The following PRKAG2 variants were observed in gnomAD, a reference collection of about 807,000 sequenced individuals.
PRKAG2 encodes the protein protein kinase AMP-activated non-catalytic subunit gamma 2.
In PRKAG2, 26 loss-of-function variants were observed where a neutral mutation model predicts 69.6. The ratio of observed to expected loss-of-function variants is 0.37; its 90% CI spans 0.27 to 0.52. PRKAG2 has a LOEUF of 0.52. Ranked by LOEUF, PRKAG2 falls within the 20% of genes least tolerant of loss-of-function variation. PRKAG2 has a pLI of 0.90. For synonymous variants in PRKAG2, 293 were observed against 285.0 expected, an observed-to-expected ratio of 1.03 and a Z score of -0.28; for missense variants, 557 against 740.0, an observed-to-expected ratio of 0.75 and a Z score of 2.87.
At chr7:151,714,511 C>A (rs1795855887) in intron 3 of PRKAG2, among the ~76,000 whole-genome samples, 1 of 149,468 alleles carries the variant, frequency 6.7e-6, no homozygotes, top group African/African-American at 2.5e-5. Flanking sequence ...CATCCACACC[C>A]TGCCACCTCT....
intron 1 of PRKAG2, among the ~76,000 whole-genome samples, chr7:151,827,635 G>A (rs558940735): frequency 2.7e-5 from 4 of 148,576 alleles, no homozygotes; most frequent in Admixed American, 6.9e-5. Context: ...GTTCCAGGAC[G>A]CTCATTTTAC....
At chr7:151,610,547 C>T (rs188870402) in intron 5 of PRKAG2, among the ~76,000 whole-genome samples, 4 of 150,930 alleles carry the variant, frequency 2.7e-5, no homozygotes, top group South Asian at 2.1e-4. Flanking sequence ...CGTGGTGGTG[C>T]GCACCTGTAG....
intron 3 of PRKAG2, among the ~76,000 whole-genome samples, chr7:151,776,524 A>G (rs1245468840): frequency 6.6e-6 from 1 of 152,220 alleles, no homozygotes; most frequent in Non-Finnish European, 1.5e-5. Flanking sequence ...TCCACCAACA[A>G]TAAAGAGCTG....
In PRKAG2 at chr7:151,567,279, C is replaced by T. The variant is rs955659194; in HGVS notation, c.1234-1394G>A. Among the ~76,000 whole-genome samples, 4 of 152,134 alleles carry T rather than the reference C, an allele frequency of 2.6e-5. No individual in the cohort carries two copies. Among genetic ancestry groups the T allele is most frequent in the East Asian group, 3.8e-4 (2 of 5,200 alleles). On this transcript the variant is annotated intron_variant, in intron 11 of 15. Coordinates refer to ENST00000287878, the MANE Select transcript of PRKAG2 (RefSeq NM_016203.4). This position sits in a 1 kb window ranked among gnomAD's most constrained non-coding sequence, Gnocchi z 4.2. ...CGCTTGAAAGGGATCCTGGCTCTACCGCTTCCCAGCCACGCAACCTTGGCA... is the reference window on the plus strand; with the variant it reads ...CGCTTGAAAGGGATCCTGGCTCTACTGCTTCCCAGCCACGCAACCTTGGCA...
chr7:151,616,490 A>C (rs1820178946), intron 5 of PRKAG2, among the ~76,000 whole-genome samples: 5 of 152,220 alleles, frequency 3.3e-5, no homozygotes. Context: ...TGCATCATGA[A>C]CCTGTCTTCC....
chr7:151,584,388 T>C (rs1811158990), intron 6 of PRKAG2, among the ~76,000 whole-genome samples: 1 of 151,958 alleles, frequency 6.6e-6, no homozygotes, highest in African/African-American at 2.4e-5. Flanking sequence ...CTCTTAATTA[T>C]GAATGAATGG....
chr7:151,733,788 C>T (rs1440030378), intron 3 of PRKAG2, among the ~76,000 whole-genome samples: 2 of 151,948 alleles, frequency 1.3e-5, no homozygotes, highest in Non-Finnish European at 2.9e-5. Flanking sequence ...CCTCCCCTCC[C>T]AGGCTCAAGC....
chr7:151,797,919 A>C (rs2077641846), intron 1 of PRKAG2, among the ~76,000 whole-genome samples: 3 of 152,230 alleles, frequency 2.0e-5, no homozygotes, highest in Non-Finnish European at 2.9e-5. Context: ...CAAAAACTGA[A>C]TTACAATAAG....
At chr7:151,658,517 C>T (rs868512948) in intron 4 of PRKAG2, among the ~76,000 whole-genome samples, 3 of 150,994 alleles carry the variant, frequency 2.0e-5, no homozygotes, top group Non-Finnish European at 2.9e-5. Flanking sequence ...TCACAGATCC[C>T]AGAGCACCTA....
intron 6 of PRKAG2, among the ~76,000 whole-genome samples, chr7:151,593,108 C>T (rs549541282): frequency 6.6e-6 from 1 of 152,326 alleles, no homozygotes; most frequent in African/African-American, 2.4e-5. Flanking sequence ...ACTCACTTGA[C>T]TTTCTCTAGG....
rs1798485639 is a variant in PRKAG2, at chr7:151,729,113, GA to G, written c.466+52038del. 1.6e-4 allele frequency among the ~76,000 whole-genome samples: 22 copies of G among 140,750 alleles called. No individual in the cohort carries two copies. In the South Asian group the frequency reaches 5.2e-3, roughly 34 times the overall value. 92.3% of individuals were successfully genotyped at this position (140,750 alleles called of 152,430 possible). ...GCGCTTGGTGACAGTGACGTAGGGAGAACAGGCAGATGGGTTATGAGCTTTT... is the reference window on the plus strand; with the variant it reads ...GCGCTTGGTGACAGTGACGTAGGGAGACAGGCAGATGGGTTATGAGCTTTT... On this transcript the variant is annotated intron_variant, in intron 3 of 15. Transcript: ENST00000287878.
At chr7:151,750,645 G>A (rs992011533) in intron 3 of PRKAG2, among the ~76,000 whole-genome samples, 3 of 152,130 alleles carry the variant, frequency 2.0e-5, no homozygotes, top group African/African-American at 4.8e-5. Flanking sequence ...GTTTCCATTT[G>A]GGGTGATGAA....
At position 151,835,723 on chromosome 7, in the gene PRKAG2, C is replaced by T. The variant is rs1423586062; in HGVS notation, c.114+40784G>A. ...CCAGGTCCTGTTGCAGGACAGTCAC[C>T]CAGCATCCTGGCCCCACCCTGGGCT... On this transcript the variant is annotated intron_variant, in intron 1 of 15. Coordinates refer to ENST00000287878, the MANE Select transcript of PRKAG2 (RefSeq NM_016203.4). The surrounding 1 kb of genome is among the most constrained non-coding windows in gnomAD (Gnocchi z 4.1). Among the ~76,000 whole-genome samples the T allele has an allele frequency of 6.6e-6, 1 of 152,182 alleles. No individual in the cohort carries two copies. Among genetic ancestry groups the T allele is most frequent in the Non-Finnish European group, 1.5e-5 (1 of 68,032 alleles).
intron 8 of PRKAG2, among the ~76,000 whole-genome samples, chr7:151,573,289 T>A: frequency 6.6e-6 from 1 of 150,726 alleles, no homozygotes; most frequent in East Asian, 2.0e-4. Flanking sequence ...TCTGAGTAAC[T>A]TGGACTACAG....
At position 151,673,388 on chromosome 7, in the gene PRKAG2, A is replaced by C. The variant is rs530419536; in HGVS notation, c.684+2032T>G. ...TCAGCCCAGCAGGTGACGTGCCTTG[A>C]AGCTGTCATTGCCCTTATCAGACCA... is the stretch of plus-strand genomic sequence containing the variant. On this transcript the variant is annotated intron_variant, in intron 4 of 15. Coordinates refer to ENST00000287878, the MANE Select transcript of PRKAG2 (RefSeq NM_016203.4). Among the ~76,000 whole-genome samples, 4 of 152,212 alleles carry C rather than the reference A, an allele frequency of 2.6e-5. No individual in the cohort carries two copies. The East Asian group carries it at 7.7e-4, about 29-fold the overall frequency.
chr7:151,845,894 T>C (rs1412434176), intron 1 of PRKAG2, among the ~76,000 whole-genome samples: 1 of 152,174 alleles, frequency 6.6e-6, no homozygotes, highest in Non-Finnish European at 1.5e-5. Context: ...TCTCCCGGCA[T>C]CTGGGGGCTG....
chr7:151,662,737 C>G (rs535114103), intron 4 of PRKAG2, among the ~76,000 whole-genome samples: 35 of 151,744 alleles, frequency 2.3e-4, no homozygotes, highest in African/African-American at 8.5e-4. Flanking sequence ...CCTATCTCTT[C>G]AACAACAGAA....
At chr7:151,759,436 G>C (rs544996544) in intron 3 of PRKAG2, among the ~76,000 whole-genome samples, 1 of 152,316 alleles carries the variant, frequency 6.6e-6, no homozygotes, top group African/African-American at 2.4e-5. Context: ...CCCCACGAGG[G>C]CAGGGATGGG....
At chr7:151,743,458 C>T (rs374582829) in intron 3 of PRKAG2, among the ~76,000 whole-genome samples, 1 of 152,180 alleles carries the variant, frequency 6.6e-6, no homozygotes, top group Non-Finnish European at 1.5e-5. Context: ...GTGTTCTTTA[C>T]GTGTGTCTTC....
Sources: allele counts gnomAD v4.1 joint callset (sites outside exome capture counted in the v4.1 genomes callset), GRCh38; gene constraint gnomAD v4.1.1; non-coding constraint Gnocchi (gnomAD v3.1); transcripts MANE v1.5; gene names NCBI Gene and HGNC (gene_info 2026-07-23, HGNC 2026-07-21).